Variants in SORD observed in about 807,000 individuals in gnomAD.
The protein encoded by SORD is sorbitol dehydrogenase, also known as (R,R)-butanediol dehydrogenase.
A neutral mutation model predicts 35.6 loss-of-function variants in SORD; 18 were observed. The ratio of observed to expected loss-of-function variants is 0.51; its 90% CI spans 0.35 to 0.75. The LOEUF (loss-of-function observed/expected upper bound fraction) is 0.75. Among genes scored for constraint, SORD ranks in the 30% least tolerant of loss-of-function variants. The pLI, the probability that SORD is intolerant of heterozygous loss-of-function variation, is 0.01. For synonymous variants in SORD, 106 were observed against 152.9 expected (o/e 0.69, Z 2.26); for missense variants, 250 against 390.2 (o/e 0.64, Z 3.03).
At chr15:45,028,299 C>T (rs144032403) in intron 1 of SORD, among the ~76,000 whole-genome samples, 381 of 152,304 alleles carry the variant, frequency 2.5e-3, no homozygotes, top group African/African-American at 8.9e-3. Flanking sequence ...TGCACTGCAG[C>T]GTGGGTGACA....
chr15:45,023,859 C>T (rs1372835412), intron 1 of SORD, among the ~76,000 whole-genome samples: 1 of 152,286 alleles, frequency 6.6e-6, no homozygotes, highest in East Asian at 1.9e-4. Flanking sequence ...AGTACGTGCT[C>T]AGGAAGTGCC....
intron 3 of SORD, 71 bp from the exon 4 acceptor site, chr15:45,060,996 A>T: frequency 6.3e-7 from 1 of 1,599,382 alleles, no homozygotes; most frequent in Non-Finnish European, 8.5e-7. Flanking sequence ...GAAAACAAAG[A>T]ACCAGACCAA....
At chr15:45,053,691 T>C (rs1893165896) in intron 3 of SORD, among the ~76,000 whole-genome samples, 1 of 151,480 alleles carries the variant, frequency 6.6e-6, no homozygotes, top group African/African-American at 2.4e-5. Context: ...ATGTGCACAA[T>C]GTGCAGGTTA....
intron 1 of SORD, among the ~76,000 whole-genome samples, chr15:45,035,940 A>T (rs1271452733): frequency 6.6e-6 from 1 of 151,622 alleles, no homozygotes; most frequent in African/African-American, 2.4e-5. Context: ...AACTCCGGAC[A>T]CGTCGCCTTT....
intron 5 of SORD, among the ~76,000 whole-genome samples, chr15:45,066,654 C>G (rs997602181): frequency 2.0e-5 from 3 of 152,210 alleles, no homozygotes; most frequent in African/African-American, 7.2e-5. Flanking sequence ...TAGACCAAAT[C>G]ATTCTGGTGA....
At chr15:45,057,572 C>T (rs1363882806) in intron 3 of SORD, among the ~76,000 whole-genome samples, 1 of 152,162 alleles carries the variant, frequency 6.6e-6, no homozygotes, top group African/African-American at 2.4e-5. Flanking sequence ...ATCATGAGGT[C>T]AGGAAGTGGA....
rs1277659175 is a variant in SORD at position 45,048,739 on chromosome 15, A to G, written c.265+5318A>G. Reference sequence around the variant, plus strand: ...GGACACCAAGAGTGAGGTTGGAACGAAAGTTTAATAAGTGAAAGAAGAAAG... The same window carrying G: ...GGACACCAAGAGTGAGGTTGGAACGGAAGTTTAATAAGTGAAAGAAGAAAG... On this transcript the variant is annotated intron_variant, in intron 3 of 8. Coordinates refer to ENST00000267814, the MANE Select transcript of SORD (RefSeq NM_003104.6). 5.3e-5 allele frequency among the ~76,000 whole-genome samples: 8 copies of G among 152,192 alleles called. No individual in the cohort carries two copies. In the East Asian group the frequency reaches 1.5e-3, roughly 29 times the overall value.
intron 1 of SORD, among the ~76,000 whole-genome samples, chr15:45,038,192 C>A (rs959312065): frequency 1.6e-5 from 2 of 125,552 alleles, no homozygotes; most frequent in Non-Finnish European, 3.4e-5. Flanking sequence ...TCCTTCCTTC[C>A]TTCTGATGTA....
At chr15:45,048,457 G>C (rs947268853) in intron 3 of SORD, among the ~76,000 whole-genome samples, 6 of 152,108 alleles carry the variant, frequency 3.9e-5, no homozygotes, top group African/African-American at 1.4e-4. Context: ...ACCTGTAATC[G>C]CAGCACTTTG....
intron 7 of SORD, chr15:45,070,387 G>A (rs1330870829): frequency 6.6e-6 from 1 of 152,218 alleles, no homozygotes; most frequent in Non-Finnish European, 1.5e-5. Context: ...CATCACATGA[G>A]ACATTCTAGG....
chr15:45,026,533 C>A (rs1892671302), intron 1 of SORD, among the ~76,000 whole-genome samples: 1 of 152,134 alleles, frequency 6.6e-6, no homozygotes, highest in Non-Finnish European at 1.5e-5. Context: ...TGCAGCCCAG[C>A]AAACTGTGGC....
chr15:45,041,941 T>G (rs952780271), intron 2 of SORD: 1 of 152,182 alleles, frequency 6.6e-6, no homozygotes, highest in Non-Finnish European at 1.5e-5. Context: ...CTCAAATGCC[T>G]TTTCCCTGCA....
In SORD at chr15:45,031,860, TC is replaced by T. The variant is rs1330502492; in HGVS notation, c.66+8512del. 1.9e-4 allele frequency among the ~76,000 whole-genome samples: 26 copies of T among 138,452 alleles called. No homozygotes were observed. In the Admixed American group the frequency reaches 2.0e-3, roughly 11 times the overall value. 90.8% of individuals were successfully genotyped at this position (138,452 alleles called of 152,430 possible). ...TTATCACTTTGAGCAGTCAGCAGTT[TC>T]ACTGTGAGCTGAGTCACTTATCATT... On this transcript the variant is annotated intron_variant, in intron 1 of 8. Transcript: ENST00000267814.
chr15:45,025,193 G>C (rs1892650454), intron 1 of SORD, among the ~76,000 whole-genome samples: 1 of 152,188 alleles, frequency 6.6e-6, no homozygotes, highest in Non-Finnish European at 1.5e-5. Context: ...TTTCACCTTT[G>C]GTTGTGTGCT....
At chr15:45,070,155 C>G (rs976602063) in intron 7 of SORD, 2 of 152,186 alleles carry the variant, frequency 1.3e-5, no homozygotes, top group African/African-American at 4.8e-5. Context: ...GGCCCAGGCC[C>G]AGCCCTGCCA....
chr15:45,055,923 T>TTGACAAAA (rs1332920450), intron 3 of SORD, among the ~76,000 whole-genome samples: 1 of 151,998 alleles, frequency 6.6e-6, no homozygotes, highest in African/African-American at 2.4e-5. Context: ...GAAAAGGCCT[T>TTGACAAAA]TGACAAAATT....
chr15:45,045,843 A>C (rs1434518549), intron 3 of SORD, among the ~76,000 whole-genome samples: 1 of 152,040 alleles, frequency 6.6e-6, no homozygotes, highest in African/African-American at 2.4e-5. Context: ...GTCTCTACAA[A>C]AAATAGAATT....
chr15:45,040,951 T>TG (rs970172979), intron 2 of SORD, among the ~76,000 whole-genome samples: 1 of 152,156 alleles, frequency 6.6e-6, no homozygotes, highest in African/African-American at 2.4e-5. Context: ...TACTGTCCAG[T>TG]GGGGGTGGGA....
intron 3 of SORD, among the ~76,000 whole-genome samples, chr15:45,052,587 A>G (rs768727643): frequency 9.9e-5 from 15 of 152,212 alleles, no homozygotes; most frequent in Non-Finnish European, 1.6e-4. Context: ...GAGGTTAGAA[A>G]GAGGTTTGGG....
Sources: gnomAD v4.1 joint callset for allele counts (sites outside exome capture counted in the v4.1 genomes callset) on GRCh38, gnomAD v4.1.1 for gene constraint, MANE v1.5 for transcripts, NCBI Gene and HGNC (gene_info 2026-07-23, HGNC 2026-07-21) for gene names.